Variants in DERA observed in about 807,000 individuals in gnomAD.
DERA encodes the protein 2-deoxy-D-ribose 5-phosphate aldolase.
A neutral mutation model predicts 41.1 loss-of-function variants in DERA; 15 were observed. The ratio of observed to expected loss-of-function variants is 0.37; its 90% CI spans 0.24 to 0.56. DERA has a LOEUF of 0.56. Ranked by LOEUF, DERA falls within the 20% of genes least tolerant of loss-of-function variation. DERA has a pLI of 0.81. For missense variants in DERA, 396 were observed against 403.4 expected (o/e 0.98, Z 0.16); for synonymous variants, 139 against 137.4 (o/e 1.01, Z -0.08).
At position 15,936,925 on chromosome 12, in the gene DERA, CCTGTCCTGTCTT is replaced by C. The variant is rs1373877875; in HGVS notation, c.32-20010_32-19999del. On this transcript the variant is annotated intron_variant, in intron 1 of 8. Coordinates refer to ENST00000428559, the MANE Select transcript of DERA (RefSeq NM_015954.4). This position sits in a 1 kb window ranked among gnomAD's most constrained non-coding sequence, Gnocchi z 4.6. ...CCTGTCCTGTCCTGTCCTGTCCTGT[CCTGTCCTGTCTT>C]GTCCTGTCCCGTCCTGTCCTGCCCT... Among the ~76,000 whole-genome samples, 311 of 139,566 alleles carry C rather than the reference CCTGTCCTGTCTT, an allele frequency of 2.2e-3. 5 individuals are homozygous for C. The highest frequency in any genetic ancestry group is 9.2e-3 in the South Asian group (43 of 4,658). The allele number at this position is 139,566 out of a possible 152,430, so 91.6% of individuals were successfully genotyped here.
intron 1 of DERA, among the ~76,000 whole-genome samples, chr12:15,942,178 A>G (rs966564939): frequency 2.6e-5 from 4 of 152,066 alleles, no homozygotes; most frequent in African/African-American, 7.2e-5. Context: ...AGAAATGTCT[A>G]TTTATGTCCT....
rs1948630454 is a variant in DERA, at chr12:15,967,451, TAAA to T, written c.508+4507_508+4509del. ...AAACAAACAAACAAACAAAAACTAT[TAAA>T]AAGTGTTTTCATTTCCCTGACTTTC... On this transcript the variant is annotated intron_variant, in intron 5 of 8. Coordinates refer to ENST00000428559, the MANE Select transcript of DERA (RefSeq NM_015954.4). The surrounding 1 kb of genome is among the most constrained non-coding windows in gnomAD (Gnocchi z 4.9). Among the ~76,000 whole-genome samples the T allele has an allele frequency of 6.6e-6, 1 of 152,150 alleles. No homozygotes were observed. The highest frequency in any genetic ancestry group is 1.5e-5 in the Non-Finnish European group (1 of 68,012).
At chr12:15,963,687 C>G (rs914249061) in intron 5 of DERA, among the ~76,000 whole-genome samples, 1 of 152,084 alleles carries the variant, frequency 6.6e-6, no homozygotes, top group Admixed American at 6.6e-5. Flanking sequence ...AATGAAATCA[C>G]AAGTTAAAGC....
chr12:16,007,262 C>T (rs1216599173), intron 6 of DERA, among the ~76,000 whole-genome samples: 2 of 150,590 alleles, frequency 1.3e-5, no homozygotes, highest in Non-Finnish European at 2.9e-5. Context: ...TGGCTCACTG[C>T]AACCTCCGCC....
intron 5 of DERA, among the ~76,000 whole-genome samples, chr12:15,973,883 G>A (rs778264025): frequency 3.3e-5 from 5 of 151,816 alleles, no homozygotes; most frequent in African/African-American, 9.7e-5. Context: ...AAAAATATCT[G>A]GATGCTAAAT....
At chr12:16,029,913 C>CCTTTT (rs1555160171) in intron 6 of DERA, among the ~76,000 whole-genome samples, 6 of 59,688 alleles carry the variant, frequency 1.0e-4, no homozygotes, top group Admixed American at 2.8e-4. Context: ...TAGCCTTGGT[C>CCTTTT]TTTTTTTTTT....
At position 16,026,626 on chromosome 12, in the gene DERA, A is replaced by G. The variant is rs1949055184; in HGVS notation, c.638-5916A>G. Among the ~76,000 whole-genome samples, 1 of 150,370 alleles carries G rather than the reference A, an allele frequency of 6.7e-6. No homozygotes were observed. Among genetic ancestry groups the G allele is most frequent in the Non-Finnish European group, 1.5e-5 (1 of 67,540 alleles). On this transcript the variant is annotated intron_variant, in intron 6 of 8. Transcript: ENST00000428559. The surrounding 1 kb of genome is among the most constrained non-coding windows in gnomAD (Gnocchi z 4.4). Reference sequence around the variant, plus strand: ...TGTAAATATATAACATATTTTAATTATATAAAATTATTTATTTAAAAATTT... The same window carrying G: ...TGTAAATATATAACATATTTTAATTGTATAAAATTATTTATTTAAAAATTT...
chr12:15,957,097 C>A lies in DERA; in HGVS notation c.129+64C>A. On this transcript the variant is annotated intron_variant, in intron 2 of 8. Transcript: ENST00000428559. The surrounding 1 kb of genome is among the most constrained non-coding windows in gnomAD (Gnocchi z 4.8). Reference sequence around the variant, plus strand: ...CAATGCATGGTCTCTTCCCTCAAGGCCACAATATTGAATTTCACTCAAGAT... The same window carrying A: ...CAATGCATGGTCTCTTCCCTCAAGGACACAATATTGAATTTCACTCAAGAT... 1 of 1,249,844 alleles carries A rather than the reference C, an allele frequency of 8.0e-7. No homozygotes were observed. The highest frequency in any genetic ancestry group is 1.2e-6 in the Non-Finnish European group (1 of 857,502). The allele number at this position is 1,249,844 out of a possible 1,614,324, so 77.4% of individuals were successfully genotyped here.
chr12:15,945,960 A>G (rs1948444638), intron 1 of DERA, among the ~76,000 whole-genome samples: 1 of 152,158 alleles, frequency 6.6e-6, no homozygotes, highest in Non-Finnish European at 1.5e-5. Context: ...AATTTTGTCA[A>G]AGGCCTTTTC....
At chr12:16,030,869 C>G (rs2136189417) in intron 6 of DERA, among the ~76,000 whole-genome samples, 1 of 152,266 alleles carries the variant, frequency 6.6e-6, no homozygotes, top group Non-Finnish European at 1.5e-5. Flanking sequence ...TGAACAAATG[C>G]ATGCATGGTA....
Position 15,983,787 on chromosome 12 carries a change from A to G in DERA, c.637+1351A>G, listed in dbSNP as rs1948747181. Among the ~76,000 whole-genome samples, 1 of 152,200 alleles carries G rather than the reference A, an allele frequency of 6.6e-6. No homozygotes were observed. Among genetic ancestry groups the G allele is most frequent in the Non-Finnish European group, 1.5e-5 (1 of 68,034 alleles). ...TTGGAACTCTACTGAAAATCAGCCT[A>G]CTAGTCAGCAATGGTGCTGTTGCTC... On this transcript the variant is annotated intron_variant, in intron 6 of 8. Coordinates refer to ENST00000428559, the MANE Select transcript of DERA (RefSeq NM_015954.4). This position sits in a 1 kb window ranked among gnomAD's most constrained non-coding sequence, Gnocchi z 6.2.
rs931693337 is a variant in DERA at position 15,943,064 on chromosome 12, A to C, written c.32-13872A>C. Among the ~76,000 whole-genome samples the C allele has an allele frequency of 1.3e-5, 2 of 152,128 alleles. No individual in the cohort carries two copies. The highest frequency in any genetic ancestry group is 4.8e-5 in the African/African-American group (2 of 41,432). On this transcript the variant is annotated intron_variant, in intron 1 of 8. Coordinates refer to ENST00000428559, the MANE Select transcript of DERA (RefSeq NM_015954.4). This position sits in a 1 kb window ranked among gnomAD's most constrained non-coding sequence, Gnocchi z 4.5. ...AGAGTGGTTGGGGAGAGGGACAGCG[A>C]TGTCACCCCTGACAGTGTGTTCTAA...
rs931770909 is a variant in DERA at position 15,936,355 on chromosome 12, A to G, written c.32-20581A>G. ...GGACTAGTATAAAGAACACTCATATATCTGTCATGACCTAACACATTAATA... is the reference window on the plus strand; with the variant it reads ...GGACTAGTATAAAGAACACTCATATGTCTGTCATGACCTAACACATTAATA... On this transcript the variant is annotated intron_variant, in intron 1 of 8. Coordinates refer to ENST00000428559, the MANE Select transcript of DERA (RefSeq NM_015954.4). This position sits in a 1 kb window ranked among gnomAD's most constrained non-coding sequence, Gnocchi z 4.6. Among the ~76,000 whole-genome samples, 8 of 152,364 alleles carry G rather than the reference A, an allele frequency of 5.3e-5. No individual in the cohort carries two copies. Among genetic ancestry groups the G allele is most frequent in the African/African-American group, 1.2e-4 (5 of 41,598 alleles).
intron 1 of DERA, among the ~76,000 whole-genome samples, chr12:15,949,682 G>A (rs368456310): frequency 2.0e-5 from 3 of 152,094 alleles, no homozygotes; most frequent in Non-Finnish European, 2.9e-5. Flanking sequence ...TTCGGCTCAC[G>A]CTCAGTGGGC....
intron 1 of DERA, among the ~76,000 whole-genome samples, chr12:15,914,673 T>C (rs1467565894): frequency 5.3e-5 from 8 of 152,208 alleles, no homozygotes; most frequent in Non-Finnish European, 7.3e-5. Context: ...GCGGGTGTTA[T>C]TAGATGACTT....
In DERA at chr12:16,036,658, G is replaced by A. The variant is rs1405607694; in HGVS notation, c.901-32G>A. On this transcript the variant is annotated intron_variant, in intron 8 of 8. Transcript: ENST00000428559. This position sits in a 1 kb window ranked among gnomAD's most constrained non-coding sequence, Gnocchi z 4.9. ...TAACTGATGTGTATAATTATAGAATGATTGTTAATTAAACTCTGCTTTTCC... is the reference window on the plus strand; with the variant it reads ...TAACTGATGTGTATAATTATAGAATAATTGTTAATTAAACTCTGCTTTTCC... The A allele has an allele frequency of 1.5e-5, 23 of 1,488,370 alleles. No individual in the cohort carries two copies. The highest frequency in any genetic ancestry group is 2.0e-5 in the Non-Finnish European group (21 of 1,075,392). The allele number at this position is 1,488,370 out of a possible 1,614,324, so 92.2% of individuals were successfully genotyped here. A position where few individuals can be genotyped will look rare whatever the true frequency, so the allele number is the denominator to read the frequency against.
At chr12:15,961,895 C>A (rs1948590818) in intron 4 of DERA, among the ~76,000 whole-genome samples, 1 of 152,140 alleles carries the variant, frequency 6.6e-6, no homozygotes, top group Non-Finnish European at 1.5e-5. Context: ...AGGTGTGCAC[C>A]ACCACACCAG....
At chr12:15,930,132 C>T (rs1252063157) in intron 1 of DERA, among the ~76,000 whole-genome samples, 2 of 152,170 alleles carry the variant, frequency 1.3e-5, no homozygotes, top group East Asian at 1.9e-4. Flanking sequence ...ATTACAGACC[C>T]TTCCCTTTAC....
At position 15,936,850 on chromosome 12, in the gene DERA, G is replaced by GTTGTC. The variant is rs71438362; in HGVS notation, c.32-20050_32-20046dup. On this transcript the variant is annotated intron_variant, in intron 1 of 8. Transcript: ENST00000428559. The surrounding 1 kb of genome is among the most constrained non-coding windows in gnomAD (Gnocchi z 4.6). The stretch of plus-strand genomic sequence containing the variant: ...CTTATTTCTGCATCTTCTGTCTTGT[G>GTTGTC]TTGTCTTGTCTTGTCTTGTCTTGTC... Among the ~76,000 whole-genome samples the GTTGTC allele has an allele frequency of 0.23, 29,907 of 129,360 alleles. 4,623 individuals are homozygous for GTTGTC. Among genetic ancestry groups the GTTGTC allele is most frequent in the East Asian group, 0.61 (2,775 of 4,578 alleles). The allele number at this position is 129,360 out of a possible 152,430, so 84.9% of individuals were successfully genotyped here.
Sources: gnomAD v4.1 joint callset for allele counts (sites outside exome capture counted in the v4.1 genomes callset) on GRCh38, gnomAD v4.1.1 for gene constraint, Gnocchi (gnomAD v3.1) non-coding constraint, MANE v1.5 for transcripts, NCBI Gene and HGNC (gene_info 2026-07-23, HGNC 2026-07-21) for gene names.